Variants in INPP4B observed in about 807,000 individuals in gnomAD.
INPP4B encodes inositol polyphosphate 4-phosphatase type II.
A neutral mutation model predicts 122.5 loss-of-function variants in INPP4B; 55 were observed. The ratio of observed to expected loss-of-function variants is 0.45; its 90% CI spans 0.36 to 0.56. INPP4B has a LOEUF of 0.56. INPP4B is among the 20% of genes least tolerant of loss of function. INPP4B has a pLI of 0.00. For synonymous variants in INPP4B, 403 were observed against 388.7 expected (o/e 1.04, Z -0.43); for missense variants, 1,000 against 1,097.7 (o/e 0.91, Z 1.26).
chr4:142,526,362 G>A (rs1205817784), intron 2 of INPP4B, among the ~76,000 whole-genome samples: 1 of 152,042 alleles, frequency 6.6e-6, no homozygotes, highest in Non-Finnish European at 1.5e-5. Context: ...TCTATTTTCA[G>A]ATTTCTCCAC....
At chr4:142,076,850 C>G (rs1215079123) in intron 25 of INPP4B, among the ~76,000 whole-genome samples, 1 of 152,002 alleles carries the variant, frequency 6.6e-6, no homozygotes, top group Non-Finnish European at 1.5e-5. Context: ...AATAGCAGCT[C>G]TTCTCTAAAA....
At chr4:142,706,708 C>G (rs149781328) in intron 2 of INPP4B, among the ~76,000 whole-genome samples, 58 of 152,366 alleles carry the variant, frequency 3.8e-4, no homozygotes, top group African/African-American at 1.3e-3. Flanking sequence ...CATTCATACA[C>G]CTACACAGGC....
intron 2 of INPP4B, among the ~76,000 whole-genome samples, chr4:142,473,967 C>G (rs867294922): frequency 6.6e-6 from 1 of 151,630 alleles, no homozygotes; most frequent in South Asian, 2.1e-4. Context: ...TGGTCTAGTG[C>G]TCCTGCTTCT....
chr4:142,297,125 A>G (rs796658278), intron 9 of INPP4B, among the ~76,000 whole-genome samples: 12 of 152,324 alleles, frequency 7.9e-5, no homozygotes, highest in African/African-American at 2.9e-4. Context: ...TTTTATTGCT[A>G]AAGTTTTTAG....
chr4:142,644,593 G>A (rs1751299571), intron 2 of INPP4B, among the ~76,000 whole-genome samples: 1 of 151,502 alleles, frequency 6.6e-6, no homozygotes, highest in African/African-American at 2.4e-5. Flanking sequence ...TTCATTCTGT[G>A]ACTGAATTTA....
At chr4:142,209,769 G>A (rs897310381) in intron 12 of INPP4B, among the ~76,000 whole-genome samples, 9 of 136,890 alleles carry the variant, frequency 6.6e-5, no homozygotes, top group Admixed American at 2.3e-4. Flanking sequence ...CTCCAGCCTG[G>A]GTGACAGAGT....
intron 2 of INPP4B, among the ~76,000 whole-genome samples, chr4:142,557,851 C>T (rs991742006): frequency 2.6e-5 from 4 of 152,172 alleles, no homozygotes; most frequent in African/African-American, 9.7e-5. Context: ...TGCAGAGTTT[C>T]TAGTTCTATC....
intron 16 of INPP4B, among the ~76,000 whole-genome samples, chr4:142,170,511 T>C (rs1462757185): frequency 1.3e-5 from 2 of 151,736 alleles, no homozygotes; most frequent in Non-Finnish European, 2.9e-5. Context: ...AAACACAACG[T>C]GTGTGATTGT....
chr4:142,736,422 A>G (rs179508), intron 1 of INPP4B, among the ~76,000 whole-genome samples: 1 of 151,834 alleles, frequency 6.6e-6, no homozygotes, highest in African/African-American at 2.4e-5. Flanking sequence ...TTTAATTTTC[A>G]TGAGTTAATT....
chr4:142,479,694 C>T (rs548866599), intron 2 of INPP4B, among the ~76,000 whole-genome samples: 3 of 152,042 alleles, frequency 2.0e-5, no homozygotes, highest in Non-Finnish European at 4.4e-5. Context: ...TAATCCTAAG[C>T]GAACTAATGC....
At chr4:142,281,839 T>A (rs544469115) in intron 9 of INPP4B, among the ~76,000 whole-genome samples, 1 of 152,178 alleles carries the variant, frequency 6.6e-6, no homozygotes, top group South Asian at 2.1e-4. Flanking sequence ...TTTTTAAATT[T>A]TTTAAATTCT....
chr4:142,178,827 T>C (rs1239316638), intron 15 of INPP4B, among the ~76,000 whole-genome samples: 1 of 69,076 alleles, frequency 1.4e-5, no homozygotes, highest in Admixed American at 2.1e-4. Flanking sequence ...GCTCAAACCC[T>C]ACTTGTAAAA....
intron 2 of INPP4B, among the ~76,000 whole-genome samples, chr4:142,679,086 GAC>G (rs1462874859): frequency 6.6e-6 from 1 of 151,836 alleles, no homozygotes; most frequent in Non-Finnish European, 1.5e-5. Flanking sequence ...AGAGACCACT[GAC>G]ACAATTAGCT....
Position 142,112,554 on chromosome 4 carries a change from G to C in INPP4B, c.2264C>G (p.Thr755Ser), listed in dbSNP as rs1056530269. ...CACCAAAGCTTACCTTTCAGCCAGAGTTTGCTGTTCATTGATTCCAACATT... is the reference window on the plus strand; with the variant it reads ...CACCAAAGCTTACCTTTCAGCCAGACTTTGCTGTTCATTGATTCCAACATT... ...LFNVGINEQQ[T>S]LAERFGDVSL... Residue 755 changes from threonine to serine, a missense_variant, in exon 22 of 26, where the codon ACT becomes AGT. Coordinates refer to ENST00000262992, the MANE Select transcript of INPP4B (RefSeq NM_001101669.3). 8 of 1,612,768 alleles carry C rather than the reference G, an allele frequency of 5.0e-6. No individual in the cohort carries two copies. Among genetic ancestry groups the C allele is most frequent in the Non-Finnish European group, 6.8e-6 (8 of 1,179,418 alleles).
chr4:142,305,934 A>G, intron 8 of INPP4B: 1 of 1,029,796 alleles, frequency 9.7e-7, no homozygotes, highest in Non-Finnish European at 1.2e-6. Flanking sequence ...ACAACTTTGT[A>G]TTCCAGATAT....
In INPP4B at chr4:142,275,674, C is replaced by A. The variant is rs1431050710; in HGVS notation, c.504-4900G>T. Among the ~76,000 whole-genome samples, 3 of 151,800 alleles carry A rather than the reference C, an allele frequency of 2.0e-5. No homozygotes were observed. In the East Asian group the frequency reaches 5.8e-4, roughly 29 times the overall value. ...ATAACTAAACACACCTCTATTCTGG[C>A]TGAAATTCACAAATGTCAGAAGCCA... On this transcript the variant is annotated intron_variant, in intron 9 of 25. Coordinates refer to ENST00000262992, the MANE Select transcript of INPP4B (RefSeq NM_001101669.3).
chr4:142,249,531 T>C (rs909854450), intron 11 of INPP4B, among the ~76,000 whole-genome samples: 15 of 152,140 alleles, frequency 9.9e-5, no homozygotes, highest in African/African-American at 3.1e-4. Flanking sequence ...AATGAATACT[T>C]TCATGAAGTG....
chr4:142,457,251 T>G (rs1241878941), intron 3 of INPP4B, among the ~76,000 whole-genome samples: 2 of 152,024 alleles, frequency 1.3e-5, no homozygotes, highest in Admixed American at 1.3e-4. Context: ...CAAAACATAG[T>G]ACAGTCCATA....
chr4:142,140,165 G>A (rs190846775), intron 18 of INPP4B, among the ~76,000 whole-genome samples: 2 of 152,314 alleles, frequency 1.3e-5, no homozygotes, highest in Admixed American at 1.3e-4. Flanking sequence ...GGACTAATTC[G>A]ATGATCTACA....
Sources: allele counts gnomAD v4.1 joint callset (sites outside exome capture counted in the v4.1 genomes callset), GRCh38; gene constraint gnomAD v4.1.1; transcripts MANE v1.5; gene names NCBI Gene and HGNC (gene_info 2026-07-23, HGNC 2026-07-21).